ACAP2: variants seen among roughly 807,000 people sequenced by gnomAD.
ACAP2 encodes ArfGAP with coiled-coil, ankyrin repeat and PH domains 2.
A neutral mutation model predicts 115.8 loss-of-function variants in ACAP2; 39 were observed. The ratio of observed to expected loss-of-function variants is 0.34; its 90% confidence interval spans 0.26 to 0.44. The LOEUF is 0.44. ACAP2 is among the 20% of genes least tolerant of loss of function. The probability of loss-of-function intolerance (pLI) is 1.00; values close to 1 mark genes in which losing one functional copy is unlikely to be tolerated. For missense variants in ACAP2, 662 were observed against 927.6 expected, an observed-to-expected ratio of 0.71 and a Z score of 3.72; for synonymous variants, 289 against 315.8, an observed-to-expected ratio of 0.92 and a Z score of 0.90.
At chr3:195,396,188 T>C (rs938952579) in intron 1 of ACAP2, among the ~76,000 whole-genome samples, 9 of 151,616 alleles carry the variant, frequency 5.9e-5, no homozygotes, top group Admixed American at 6.6e-5. Flanking sequence ...GAGGTGGAGA[T>C]TGCAGTGAGC....
chr3:195,321,368 A>G (rs1210150921), intron 9 of ACAP2, among the ~76,000 whole-genome samples: 1 of 151,686 alleles, frequency 6.6e-6, no homozygotes, highest in Non-Finnish European at 1.5e-5. Context: ...AATTACGGAC[A>G]TACGCCATCA....
chr3:195,331,102 C>T (rs1730135733), intron 8 of ACAP2, among the ~76,000 whole-genome samples: 1 of 152,202 alleles, frequency 6.6e-6, no homozygotes, highest in Non-Finnish European at 1.5e-5. Context: ...CTGTTACACA[C>T]ACACAAGGTA....
intron 11 of ACAP2, among the ~76,000 whole-genome samples, chr3:195,308,095 T>C (rs575235528): frequency 6.6e-6 from 1 of 152,220 alleles, no homozygotes; most frequent in African/African-American, 2.4e-5. Context: ...AACTTCCTCA[T>C]CCTTAAAATA....
At chr3:195,375,243 T>C (rs1281381852) in intron 4 of ACAP2, among the ~76,000 whole-genome samples, 3 of 151,986 alleles carry the variant, frequency 2.0e-5, no homozygotes, top group African/African-American at 7.3e-5. Flanking sequence ...GTTATACACA[T>C]TCAATACATA....
At chr3:195,352,551 T>G (rs970473677) in intron 4 of ACAP2, among the ~76,000 whole-genome samples, 1 of 152,226 alleles carries the variant, frequency 6.6e-6, no homozygotes, top group Admixed American at 6.5e-5. Context: ...TAAAACTATA[T>G]GCCTACACAG....
At chr3:195,345,925 T>C (rs1731162103) in intron 4 of ACAP2, among the ~76,000 whole-genome samples, 1 of 152,214 alleles carries the variant, frequency 6.6e-6, no homozygotes, top group African/African-American at 2.4e-5. Flanking sequence ...CTGTGTATGA[T>C]AAACATCAAA....
intron 4 of ACAP2, among the ~76,000 whole-genome samples, chr3:195,354,216 C>T (rs576014868): frequency 2.6e-5 from 4 of 152,122 alleles, no homozygotes; most frequent in African/African-American, 7.2e-5. Flanking sequence ...TGTATATGTA[C>T]GTATGCATTT....
chr3:195,356,908 G>A (rs1300614595), intron 4 of ACAP2, among the ~76,000 whole-genome samples: 1 of 151,766 alleles, frequency 6.6e-6, no homozygotes. Context: ...CACAGCTGCG[G>A]TGGCTACGAG....
At chr3:195,295,366 G>A (rs908380301) in intron 17 of ACAP2, 19 of 993,050 alleles carry the variant, frequency 1.9e-5, no homozygotes, top group African/African-American at 1.2e-4. Context: ...AGGAAAAAAC[G>A]TTACTGGGAA....
At chr3:195,326,102 A>T (rs1337210687) in intron 9 of ACAP2, among the ~76,000 whole-genome samples, 1 of 152,166 alleles carries the variant, frequency 6.6e-6, no homozygotes, top group Admixed American at 6.5e-5. Context: ...GGTATTTTAA[A>T]TTCTAAATAA....
At chr3:195,351,568 T>G (rs1240693610) in intron 4 of ACAP2, among the ~76,000 whole-genome samples, 1 of 151,476 alleles carries the variant, frequency 6.6e-6, no homozygotes, top group African/African-American at 2.4e-5. Context: ...ATCACGCCAT[T>G]CTCCTGCTTC....
At chr3:195,341,381 G>GT (rs1213747104) in intron 6 of ACAP2, among the ~76,000 whole-genome samples, 7 of 136,128 alleles carry the variant, frequency 5.1e-5, no homozygotes, top group Non-Finnish European at 1.1e-4. Context: ...CTGGAGTGCA[G>GT]TGGTGCGATC....
intron 10 of ACAP2, among the ~76,000 whole-genome samples, chr3:195,316,350 C>A (rs190491879): frequency 3.3e-5 from 5 of 152,068 alleles, no homozygotes; most frequent in Admixed American, 3.3e-4. Context: ...CTAACCACAC[C>A]ACTTGAGTTG....
At chr3:195,313,956 T>C (rs1036069671) in intron 10 of ACAP2, among the ~76,000 whole-genome samples, 7 of 152,156 alleles carry the variant, frequency 4.6e-5, no homozygotes, top group Non-Finnish European at 7.4e-5. Flanking sequence ...CAGAAAAATA[T>C]ATTTTATAGA....
intron 1 of ACAP2, among the ~76,000 whole-genome samples, chr3:195,417,654 G>A (rs1577449241): frequency 6.6e-6 from 1 of 152,074 alleles, no homozygotes; most frequent in South Asian, 2.1e-4. Flanking sequence ...ATATGATCAA[G>A]AAACTGTCAA....
chr3:195,431,004 C>T (rs910620321), intron 1 of ACAP2, among the ~76,000 whole-genome samples: 4 of 151,898 alleles, frequency 2.6e-5, no homozygotes, highest in African/African-American at 4.8e-5. Flanking sequence ...ATCTTCATCA[C>T]TCCCAAAAGA....
intron 1 of ACAP2, among the ~76,000 whole-genome samples, chr3:195,415,133 A>G (rs1362886724): frequency 6.6e-6 from 1 of 152,176 alleles, no homozygotes; most frequent in Admixed American, 6.5e-5. Flanking sequence ...ATAATGTATC[A>G]ATGTAGGCTC....
At chr3:195,369,314 T>C (rs1732961872) in intron 4 of ACAP2, among the ~76,000 whole-genome samples, 1 of 152,220 alleles carries the variant, frequency 6.6e-6, no homozygotes, top group Non-Finnish European at 1.5e-5. Flanking sequence ...GTGCAGGTTA[T>C]ATAGGTAAAC....
chr3:195,286,877 T>G (rs1726878604), intron 21 of ACAP2, among the ~76,000 whole-genome samples: 1 of 152,250 alleles, frequency 6.6e-6, no homozygotes, highest in Non-Finnish European at 1.5e-5. Flanking sequence ...CTGCAGAGCT[T>G]GTCTCTCTAT....
Sources: allele counts gnomAD v4.1 joint callset (sites outside exome capture counted in the v4.1 genomes callset), GRCh38; gene constraint gnomAD v4.1.1; transcripts MANE v1.5; gene names NCBI Gene and HGNC (gene_info 2026-07-23, HGNC 2026-07-21).